Variants in SLC35F4 observed in about 807,000 individuals in gnomAD.
The protein encoded by SLC35F4 is chromosome 14 open reading frame 36.
A neutral mutation model predicts 44.2 loss-of-function variants in SLC35F4; 24 were observed. The observed-to-expected ratio is 0.54, with a 90% CI of 0.39 to 0.76. SLC35F4 has a LOEUF of 0.76. Ranked by LOEUF, SLC35F4 falls within the 30% of genes least tolerant of loss-of-function variation. The pLI is 0.00. For missense variants in SLC35F4, 562 were observed against 586.1 expected (o/e 0.96, Z 0.42); for synonymous variants, 238 against 223.6 (o/e 1.06, Z -0.57).
intron 1 of SLC35F4, among the ~76,000 whole-genome samples, chr14:57,691,828 C>A (rs1017364455): frequency 9.2e-5 from 14 of 152,054 alleles, no homozygotes; most frequent in African/African-American, 3.4e-4. Context: ...ATGTGACAGA[C>A]TTAGATGAAC....
At chr14:57,801,994 C>T (rs1428804794) in intron 1 of SLC35F4, among the ~76,000 whole-genome samples, 3 of 152,152 alleles carry the variant, frequency 2.0e-5, no homozygotes, top group Non-Finnish European at 4.4e-5. Context: ...TAGATATCTA[C>T]AGAACTCTTC....
At chr14:57,812,769 C>T (rs1882118496) in intron 1 of SLC35F4, among the ~76,000 whole-genome samples, 1 of 152,036 alleles carries the variant, frequency 6.6e-6, no homozygotes, top group Non-Finnish European at 1.5e-5. Flanking sequence ...AAGAGCAATG[C>T]CTTCTGACTT....
chr14:57,751,636 C>T (rs1202505288), intron 1 of SLC35F4, among the ~76,000 whole-genome samples: 1 of 152,064 alleles, frequency 6.6e-6, no homozygotes, highest in African/African-American at 2.4e-5. Flanking sequence ...TTGATTAAGG[C>T]TCCTTATAGT....
chr14:57,851,924 C>A (rs953586024), intron 1 of SLC35F4, among the ~76,000 whole-genome samples: 3 of 152,052 alleles, frequency 2.0e-5, no homozygotes, highest in Non-Finnish European at 4.4e-5. Flanking sequence ...TAAAAACATT[C>A]CAAAGAAAAA....
At chr14:57,771,017 C>T (rs992494210) in intron 1 of SLC35F4, among the ~76,000 whole-genome samples, 1 of 152,184 alleles carries the variant, frequency 6.6e-6, no homozygotes, top group Non-Finnish European at 1.5e-5. Context: ...CAAGCCTTCC[C>T]CCATGGAATT....
chr14:57,871,327 G>A (rs963229002), intron 1 of SLC35F4, among the ~76,000 whole-genome samples: 3 of 152,180 alleles, frequency 2.0e-5, no homozygotes, highest in African/African-American at 7.2e-5. Context: ...CTCTGCAGCA[G>A]GGGAGCCCCA....
chr14:57,922,170 C>T, intron 1 of SLC35F4, among the ~76,000 whole-genome samples: 1 of 152,096 alleles, frequency 6.6e-6, no homozygotes, highest in Admixed American at 6.5e-5. Flanking sequence ...ATAGGATGTT[C>T]AAAATTTTTT....
At chr14:57,927,178 T>C (rs1889591792) in intron 1 of SLC35F4, among the ~76,000 whole-genome samples, 1 of 152,188 alleles carries the variant, frequency 6.6e-6, no homozygotes, top group Admixed American at 6.6e-5. Flanking sequence ...CTGCAAGCTG[T>C]CCTGTTTCTG....
At chr14:57,672,781 TTA>T (rs1173588048) in intron 1 of SLC35F4, among the ~76,000 whole-genome samples, 3 of 9,012 alleles carry the variant, frequency 3.3e-4, no homozygotes, top group Non-Finnish European at 1.3e-3. Flanking sequence ...AAATTTTATT[TTA>T]TTTTTTTTTT....
chr14:57,632,565 C>CACATCCAT (rs2072834482), intron 1 of SLC35F4, among the ~76,000 whole-genome samples: 1 of 152,158 alleles, frequency 6.6e-6, no homozygotes, highest in South Asian at 2.1e-4. Flanking sequence ...CCTGCCCCCA[C>CACATCCAT]ACATCCATAG....
chr14:57,611,452 T>A (rs1264191967), intron 1 of SLC35F4, among the ~76,000 whole-genome samples: 1 of 151,892 alleles, frequency 6.6e-6, no homozygotes, highest in Non-Finnish European at 1.5e-5. Context: ...AGGTCCAGGA[T>A]GAACACCCCG....
intron 1 of SLC35F4, among the ~76,000 whole-genome samples, chr14:57,814,569 AATTT>A (rs1477179632): frequency 6.6e-6 from 1 of 152,250 alleles, no homozygotes; most frequent in Non-Finnish European, 1.5e-5. Context: ...ATTAATTATT[AATTT>A]ATTATGAATA....
chr14:57,627,433 C>CGGG, intron 1 of SLC35F4, among the ~76,000 whole-genome samples: 1 of 152,056 alleles, frequency 6.6e-6, no homozygotes, highest in Non-Finnish European at 1.5e-5. Context: ...GACATTTATT[C>CGGG]CTTGGACCAG....
intron 3 of SLC35F4, among the ~76,000 whole-genome samples, chr14:57,583,387 A>G (rs972929966): frequency 1.3e-5 from 2 of 152,114 alleles, no homozygotes; most frequent in African/African-American, 4.8e-5. Flanking sequence ...AAATATGAAC[A>G]CATTTATTAA....
chr14:57,886,612 G>A lies in SLC35F4; in HGVS notation n.282+95301C>T, dbSNP rs552817616. Among the ~76,000 whole-genome samples the A allele has an allele frequency of 8.7e-4, 133 of 152,232 alleles. 1 individual carries two copies. Among genetic ancestry groups the A allele is most frequent in the Non-Finnish European group, 1.7e-3 (113 of 68,002 alleles). ...CTTTCCTTTACCAAAACTGGTAAAG[G>A]AGTTCCCCTGAAGAATTTGACTCTT... On this transcript the variant is annotated intron_variant and non_coding_transcript_variant, in intron 1 of 1. Coordinates refer to the SLC35F4 transcript ENST00000556568.
chr14:57,959,270 G>T (rs1170883461), intron 1 of SLC35F4, among the ~76,000 whole-genome samples: 1 of 152,010 alleles, frequency 6.6e-6, no homozygotes, highest in Non-Finnish European at 1.5e-5. Context: ...TTCTATTATG[G>T]CTTCTCACTT....
At chr14:57,766,449 G>C (rs1327189986) in intron 1 of SLC35F4, among the ~76,000 whole-genome samples, 1 of 152,224 alleles carries the variant, frequency 6.6e-6, no homozygotes, top group African/African-American at 2.4e-5. Flanking sequence ...AATGAAGATA[G>C]TTGGGTGCAG....
rs533842458 is a variant in SLC35F4 at position 57,980,973 on chromosome 14, T to C, written n.151+940A>G. Among the ~76,000 whole-genome samples, 64 of 152,138 alleles carry C rather than the reference T, an allele frequency of 4.2e-4. 1 individual carries two copies. Among genetic ancestry groups the C allele is most frequent in the African/African-American group, 1.5e-3 (61 of 41,494 alleles). ...AGAGTGTTGTCAACAACCAAACCAA[T>C]AGGGAAGGATTCTCCTCTATTCCCT... On this transcript the variant is annotated intron_variant and non_coding_transcript_variant, in intron 1 of 1. Transcript: ENST00000554648.
At chr14:57,769,068 A>T (rs564104306) in intron 1 of SLC35F4, among the ~76,000 whole-genome samples, 1 of 152,324 alleles carries the variant, frequency 6.6e-6, no homozygotes, top group East Asian at 1.9e-4. Flanking sequence ...TCCAGAAAAC[A>T]TCACCCTTAA....
Sources: allele counts gnomAD v4.1 joint callset (sites outside exome capture counted in the v4.1 genomes callset), GRCh38; gene constraint gnomAD v4.1.1; transcripts MANE v1.5; gene names NCBI Gene and HGNC (gene_info 2026-07-23, HGNC 2026-07-21).